Variants in LINGO2 observed in about 807,000 individuals in gnomAD.
LINGO2 encodes the protein leucine-rich repeat and immunoglobulin-like domain-containing nogo receptor-interacting protein 2.
In LINGO2, 14 loss-of-function variants were observed where a neutral mutation model predicts 30.6. The ratio of observed to expected loss-of-function variants is 0.46; its 90% CI spans 0.30 to 0.72. The LOEUF is 0.72. Among genes scored for constraint, LINGO2 ranks in the 30% least tolerant of loss-of-function variants. The pLI, the probability that LINGO2 is intolerant of heterozygous loss-of-function variation, is 0.07. For synonymous variants in LINGO2, 317 were observed against 288.5 expected, an observed-to-expected ratio of 1.10 and a Z score of -1.00; for missense variants, 729 against 751.7, an observed-to-expected ratio of 0.97 and a Z score of 0.35.
chr9:28,425,811 GTCCAGAGAA>G (rs1823386564), intron 2 of LINGO2, among the ~76,000 whole-genome samples: 1 of 151,978 alleles, frequency 6.6e-6, no homozygotes, highest in East Asian at 1.9e-4. Flanking sequence ...ACACCGTATT[GTCCAGAGAA>G]GCCAAAATGG....
chr9:28,160,801 A>G (rs1378788740), intron 4 of LINGO2, among the ~76,000 whole-genome samples: 1 of 152,246 alleles, frequency 6.6e-6, no homozygotes, highest in Non-Finnish European at 1.5e-5. Flanking sequence ...CGAACTGAGT[A>G]TCAGGTACTA....
At chr9:28,945,095 G>A in the LINGO2 span, among the ~76,000 whole-genome samples, 2 of 152,064 alleles carry the variant, frequency 1.3e-5, no homozygotes, top group Admixed American at 6.5e-5. Flanking sequence ...AATTACCCTA[G>A]GATTAGGAAG....
intron 1 of LINGO2, among the ~76,000 whole-genome samples, chr9:28,516,765 A>T (rs1485025422): frequency 6.6e-6 from 1 of 152,198 alleles, no homozygotes; most frequent in Non-Finnish European, 1.5e-5. Context: ...CCTAAGAAGT[A>T]TTCTCTCAGG....
At chr9:27,995,597 A>T (rs1821622364) in intron 5 of LINGO2, among the ~76,000 whole-genome samples, 2 of 152,212 alleles carry the variant, frequency 1.3e-5, no homozygotes, top group Admixed American at 6.5e-5. Context: ...AATCAAGGAC[A>T]AAAGCCATAT....
At chr9:29,016,417 C>T in the LINGO2 span, among the ~76,000 whole-genome samples, 3 of 152,128 alleles carry the variant, frequency 2.0e-5, no homozygotes, top group Non-Finnish European at 2.9e-5. Context: ...ACAGTGTATA[C>T]ACTGACCAGG....
At chr9:28,048,566 G>C (rs1288499875) in intron 4 of LINGO2, among the ~76,000 whole-genome samples, 4 of 150,598 alleles carry the variant, frequency 2.7e-5, no homozygotes, top group Non-Finnish European at 5.9e-5. Context: ...TTATAAATTG[G>C]CATACCTCTT....
the LINGO2 span, among the ~76,000 whole-genome samples, chr9:28,783,566 C>T: frequency 1.3e-5 from 2 of 152,092 alleles, no homozygotes; most frequent in African/African-American, 4.8e-5. Flanking sequence ...AAATAAGGTA[C>T]TAAGGGAACA....
chr9:28,789,570 C>T, the LINGO2 span, among the ~76,000 whole-genome samples: 1 of 152,154 alleles, frequency 6.6e-6, no homozygotes, highest in African/African-American at 2.4e-5. Context: ...GTACCTGTTG[C>T]TAGTCAGGTT....
At chr9:28,426,914 C>G (rs189505831) in intron 2 of LINGO2, among the ~76,000 whole-genome samples, 2 of 152,150 alleles carry the variant, frequency 1.3e-5, no homozygotes, top group East Asian at 3.9e-4. Context: ...AACTGAAAAG[C>G]ATGAGGTCCT....
chr9:29,158,184 T>TAA, the LINGO2 span, among the ~76,000 whole-genome samples: 24 of 119,740 alleles, frequency 2.0e-4, 1 homozygote, highest in Non-Finnish European at 2.8e-4. Flanking sequence ...CTACACAAAG[T>TAA]AAAAAAAAAC....
At chr9:29,150,823 A>G in the LINGO2 span, among the ~76,000 whole-genome samples, 3 of 152,168 alleles carry the variant, frequency 2.0e-5, no homozygotes, top group African/African-American at 7.2e-5. Flanking sequence ...AACTTGGCAC[A>G]TATATGTAAG....
chr9:29,158,473 A>G, the LINGO2 span, among the ~76,000 whole-genome samples: 1 of 152,340 alleles, frequency 6.6e-6, no homozygotes, highest in Non-Finnish European at 1.5e-5. Context: ...TGGAGGACAG[A>G]CTCTTCAGCA....
chr9:29,009,647 CA>C, the LINGO2 span, among the ~76,000 whole-genome samples: 1 of 152,238 alleles, frequency 6.6e-6, no homozygotes, highest in South Asian at 2.1e-4. Context: ...ATTAAGCTAC[CA>C]ATGACTTTCT....
intron 1 of LINGO2, among the ~76,000 whole-genome samples, chr9:28,627,668 G>A (rs1258537562): frequency 1.3e-5 from 2 of 151,910 alleles, no homozygotes; most frequent in Non-Finnish European, 2.9e-5. Flanking sequence ...TTTAAGGTAG[G>A]GAAAACAAGT....
At chr9:29,189,993 G>C in the LINGO2 span, among the ~76,000 whole-genome samples, 65 of 143,442 alleles carry the variant, frequency 4.5e-4, no homozygotes, top group Non-Finnish European at 7.6e-4. Flanking sequence ...GCATCAGAGG[G>C]AGACCGTGGA....
intron 4 of LINGO2, among the ~76,000 whole-genome samples, chr9:28,055,473 C>T (rs539383053): frequency 6.6e-6 from 1 of 152,224 alleles, no homozygotes; most frequent in South Asian, 2.1e-4. Context: ...AAAATAAGAA[C>T]TTGTAAAAAG....
intron 1 of LINGO2, among the ~76,000 whole-genome samples, chr9:28,648,688 A>T (rs921625822): frequency 6.6e-6 from 1 of 152,166 alleles, no homozygotes; most frequent in African/African-American, 2.4e-5. Flanking sequence ...GAAAGATTTG[A>T]CTTCACAAGT....
chr9:28,122,981 A>G (rs1827140424), intron 4 of LINGO2, among the ~76,000 whole-genome samples: 1 of 152,096 alleles, frequency 6.6e-6, no homozygotes. Context: ...TCTCTTTTCT[A>G]TTTCTTTTAT....
chr9:28,028,670 A>C (rs1378478713), intron 4 of LINGO2, among the ~76,000 whole-genome samples: 1 of 152,178 alleles, frequency 6.6e-6, no homozygotes, highest in South Asian at 2.1e-4. Context: ...ATATCCTTCC[A>C]TGTCACTAGA....
Sources: gnomAD v4.1 joint callset for allele counts (sites outside exome capture counted in the v4.1 genomes callset) on GRCh38, gnomAD v4.1.1 for gene constraint, MANE v1.5 for transcripts, NCBI Gene and HGNC (gene_info 2026-07-23, HGNC 2026-07-21) for gene names.